RALGPS1: variants seen among roughly 807,000 people sequenced by gnomAD.
RALGPS1 encodes the protein ras-specific guanine nucleotide-releasing factor RalGPS1.
A neutral mutation model predicts 78.8 loss-of-function variants in RALGPS1; 19 were observed. The ratio of observed to expected loss-of-function variants is 0.24; its 90% CI spans 0.17 to 0.35. The LOEUF is 0.35. Ranked by LOEUF, RALGPS1 falls within the 10% of genes least tolerant of loss-of-function variation. RALGPS1 has a pLI of 1.00. For missense variants in RALGPS1, 454 were observed against 688.3 expected, an observed-to-expected ratio of 0.66 and a Z score of 3.81; for synonymous variants, 228 against 256.3, an observed-to-expected ratio of 0.89 and a Z score of 1.06.
At chr9:127,133,769 T>C (rs2057187129) in intron 8 of RALGPS1, among the ~76,000 whole-genome samples, 1 of 152,140 alleles carries the variant, frequency 6.6e-6, no homozygotes, top group South Asian at 2.1e-4. Flanking sequence ...GTAAACAGAA[T>C]GCTTAAGCCG....
chr9:127,100,581 C>T (rs60313786), intron 8 of RALGPS1, among the ~76,000 whole-genome samples: 57,578 of 152,072 alleles, frequency 0.38, 12,616 homozygotes, highest in Non-Finnish European at 0.48. Context: ...GGGGCAGTGG[C>T]CAGTTGTACC....
chr9:127,062,560 A>C (rs1408099398), intron 7 of RALGPS1, among the ~76,000 whole-genome samples: 1 of 152,242 alleles, frequency 6.6e-6, no homozygotes, highest in Non-Finnish European at 1.5e-5. Context: ...CAGGTAAGGA[A>C]GGCTAAAATC....
intron 4 of RALGPS1, among the ~76,000 whole-genome samples, chr9:127,029,926 A>G (rs1324530782): frequency 6.6e-6 from 1 of 152,208 alleles, no homozygotes. Flanking sequence ...GGGCAGCTGA[A>G]ACCAGTGTTG....
intron 3 of RALGPS1, among the ~76,000 whole-genome samples, chr9:126,966,196 A>G (rs1291255392): frequency 1.3e-5 from 2 of 152,194 alleles, no homozygotes; most frequent in Non-Finnish European, 2.9e-5. Flanking sequence ...AGACTAAAGC[A>G]ACGTTTGTGG....
At position 127,205,869 on chromosome 9, in the gene RALGPS1, G is replaced by A. The variant is rs2061905090; in HGVS notation, c.1248-6262G>A. Reference sequence around the variant, plus strand: ...CAGGAGAGAAGATCTGGCATACCTGGCTTGGATCACTGGTGTTGCCCTGTC... The same window carrying A: ...CAGGAGAGAAGATCTGGCATACCTGACTTGGATCACTGGTGTTGCCCTGTC... On this transcript the variant is annotated intron_variant, in intron 14 of 18. Transcript: ENST00000259351. This position sits in a 1 kb window ranked among gnomAD's most constrained non-coding sequence, Gnocchi z 4.0. 2.6e-5 allele frequency among the ~76,000 whole-genome samples: 4 copies of A among 152,228 alleles called. No homozygotes were observed. In the South Asian group the frequency reaches 8.3e-4, roughly 31 times the overall value.
intron 7 of RALGPS1, among the ~76,000 whole-genome samples, chr9:127,064,456 C>G (rs1033076908): frequency 6.6e-6 from 1 of 152,166 alleles, no homozygotes; most frequent in Non-Finnish European, 1.5e-5. Flanking sequence ...ATTACATGCA[C>G]GTGAATTTTA....
chr9:127,005,052 C>G (rs76266158), intron 4 of RALGPS1, among the ~76,000 whole-genome samples: 1 of 152,098 alleles, frequency 6.6e-6, no homozygotes, highest in African/African-American at 2.4e-5. Flanking sequence ...AGTTGTGGCC[C>G]GGAGCAGAGG....
At chr9:126,951,484 T>C (rs918596558) in intron 1 of RALGPS1, among the ~76,000 whole-genome samples, 6 of 151,480 alleles carry the variant, frequency 4.0e-5, no homozygotes, top group African/African-American at 1.5e-4. Flanking sequence ...TCAAGTGGGC[T>C]TCATCCCTGG....
chr9:127,145,503 G>A (rs1385821643), intron 8 of RALGPS1, among the ~76,000 whole-genome samples: 1 of 152,182 alleles, frequency 6.6e-6, no homozygotes, highest in Non-Finnish European at 1.5e-5. Context: ...AAACTCATTT[G>A]TTGACTATTG....
intron 8 of RALGPS1, among the ~76,000 whole-genome samples, chr9:127,164,588 G>A (rs1299944780): frequency 7.5e-6 from 1 of 133,328 alleles, no homozygotes; most frequent in Non-Finnish European, 1.5e-5. Flanking sequence ...CACCCAGGCT[G>A]GAGTGCAATG....
chr9:127,040,059 T>G (rs757689986), intron 5 of RALGPS1, among the ~76,000 whole-genome samples: 1 of 152,104 alleles, frequency 6.6e-6, no homozygotes, highest in Non-Finnish European at 1.5e-5. Flanking sequence ...CAAAGCAGAT[T>G]TTTTGGAAGG....
intron 8 of RALGPS1, among the ~76,000 whole-genome samples, chr9:127,164,830 A>G (rs572507026): frequency 4.6e-5 from 7 of 152,190 alleles, no homozygotes; most frequent in African/African-American, 9.6e-5. Context: ...GCGAGCCACT[A>G]TGCTCTGCCC....
intron 8 of RALGPS1, among the ~76,000 whole-genome samples, chr9:127,121,857 C>T (rs948975179): frequency 2.0e-5 from 3 of 152,200 alleles, no homozygotes; most frequent in African/African-American, 7.2e-5. Context: ...CAGCACAGCG[C>T]TTGCCTTTGC....
chr9:127,191,724 G>A (rs1267009205), intron 11 of RALGPS1, among the ~76,000 whole-genome samples: 1 of 134,396 alleles, frequency 7.4e-6, no homozygotes, highest in East Asian at 2.3e-4. Flanking sequence ...TTGAGATGGA[G>A]TCTCACTCTG....
chr9:127,198,378 A>G (rs145754071), intron 13 of RALGPS1, among the ~76,000 whole-genome samples: 1 of 152,140 alleles, frequency 6.6e-6, no homozygotes, highest in Non-Finnish European at 1.5e-5. Context: ...AGCATTGCGC[A>G]TGGATGCTTG....
intron 1 of RALGPS1, among the ~76,000 whole-genome samples, chr9:126,944,639 A>G (rs1379309381): frequency 6.6e-6 from 1 of 152,052 alleles, no homozygotes; most frequent in Non-Finnish European, 1.5e-5. Context: ...TTTTTTTTTA[A>G]CTTTTTATTT....
intron 7 of RALGPS1, among the ~76,000 whole-genome samples, chr9:127,063,655 A>G (rs2049413332): frequency 1.3e-5 from 2 of 151,884 alleles, no homozygotes; most frequent in African/African-American, 2.4e-5. Context: ...TTTTCCCACT[A>G]TTTTCTTAGC....
At chr9:126,925,063 G>A (rs1333307963) in intron 1 of RALGPS1, among the ~76,000 whole-genome samples, 10 of 151,998 alleles carry the variant, frequency 6.6e-5, no homozygotes, top group Non-Finnish European at 8.8e-5. Context: ...GGAGGTGGAG[G>A]TTGCGGTGAG....
intron 8 of RALGPS1, among the ~76,000 whole-genome samples, chr9:127,142,693 CTG>C (rs1189315407): frequency 6.6e-6 from 1 of 152,208 alleles, no homozygotes; most frequent in Non-Finnish European, 1.5e-5. Flanking sequence ...AATTAAATAA[CTG>C]AGAAGAGGGT....
Sources: allele counts gnomAD v4.1 joint callset (sites outside exome capture counted in the v4.1 genomes callset), GRCh38; gene constraint gnomAD v4.1.1; non-coding constraint Gnocchi (gnomAD v3.1); transcripts MANE v1.5; gene names NCBI Gene and HGNC (gene_info 2026-07-23, HGNC 2026-07-21).